The following GPR39 variants were observed in gnomAD, a reference collection of about 807,000 sequenced individuals.
The protein encoded by GPR39 is G protein-coupled receptor 39, also known as zinc sensing receptor.
Under a neutral mutation model 18.4 loss-of-function variants are expected in GPR39, and 23 were observed. That is an observed-to-expected ratio of 1.25 (90% CI 0.90 to 1.77). The LOEUF (loss-of-function observed/expected upper bound fraction) is 1.77, where lower values mean the gene tolerates loss of function less well. Ranked by LOEUF, GPR39 falls within the 40% of genes most tolerant of loss-of-function variation. The probability of loss-of-function intolerance (pLI) is 0.00; values close to 1 mark genes in which losing one functional copy is unlikely to be tolerated. For synonymous variants in GPR39, 280 were observed against 257.9 expected, an observed-to-expected ratio of 1.09 and a Z score of -0.82; for missense variants, 647 against 602.4, an observed-to-expected ratio of 1.07 and a Z score of -0.78.
chr2:132,546,136 G>C (rs569904718), intron 1 of GPR39, among the ~76,000 whole-genome samples: 1 of 152,314 alleles, frequency 6.6e-6, no homozygotes, highest in Non-Finnish European at 1.5e-5. Context: ...GGTGAGTGGA[G>C]AAAAATGGGA....
At chr2:132,633,998 G>A (rs1027880759) in intron 1 of GPR39, among the ~76,000 whole-genome samples, 2 of 151,968 alleles carry the variant, frequency 1.3e-5, no homozygotes, top group Non-Finnish European at 2.9e-5. Flanking sequence ...TGGAGATGAT[G>A]ATGGTGGTGG....
chr2:132,455,779 A>G (rs1484244710), intron 1 of GPR39, among the ~76,000 whole-genome samples: 2 of 152,032 alleles, frequency 1.3e-5, no homozygotes, highest in Admixed American at 6.5e-5. Context: ...GTTTCCATGT[A>G]GTTGTGCGGT....
At chr2:132,466,355 C>G (rs566879716) in intron 1 of GPR39, among the ~76,000 whole-genome samples, 2 of 152,228 alleles carry the variant, frequency 1.3e-5, no homozygotes, top group African/African-American at 4.8e-5. Context: ...CCTATACTTT[C>G]TGGATGATTG....
intron 1 of GPR39, among the ~76,000 whole-genome samples, chr2:132,625,072 ATTTT>A (rs113383110): frequency 1.1e-4 from 15 of 141,276 alleles, no homozygotes; most frequent in Middle Eastern, 3.6e-3. Context: ...AGGTGCTCCA[ATTTT>A]TTTTTTTTTT....
intron 1 of GPR39, among the ~76,000 whole-genome samples, chr2:132,642,272 C>T (rs1681869150): frequency 6.6e-6 from 1 of 152,096 alleles, no homozygotes; most frequent in Non-Finnish European, 1.5e-5. Flanking sequence ...ACTTTTACAC[C>T]CAGAAAACCA....
chr2:132,621,140 C>T (rs72985830), intron 1 of GPR39, among the ~76,000 whole-genome samples: 4,943 of 152,146 alleles, frequency 0.032, 312 homozygotes, highest in African/African-American at 0.11. Flanking sequence ...TCCCTTTGAC[C>T]GCAGCTGCTT....
chr2:132,600,639 C>T (rs955112632), intron 1 of GPR39, among the ~76,000 whole-genome samples: 10 of 152,044 alleles, frequency 6.6e-5, no homozygotes, highest in African/African-American at 1.9e-4. Context: ...ACACATATAA[C>T]CTACCAAGAT....
chr2:132,558,415 T>C (rs1385206094), intron 1 of GPR39, among the ~76,000 whole-genome samples: 1 of 152,070 alleles, frequency 6.6e-6, no homozygotes, highest in African/African-American at 2.4e-5. Flanking sequence ...CATGACTGAG[T>C]CTCTTGACAA....
At chr2:132,553,192 C>T (rs1286233225) in intron 1 of GPR39, among the ~76,000 whole-genome samples, 1 of 151,566 alleles carries the variant, frequency 6.6e-6, no homozygotes, top group African/African-American at 2.4e-5. Flanking sequence ...GGATTACAGG[C>T]ATGAGCCACC....
At chr2:132,537,240 AG>A (rs1447780794) in intron 1 of GPR39, among the ~76,000 whole-genome samples, 3 of 152,118 alleles carry the variant, frequency 2.0e-5, no homozygotes, top group Non-Finnish European at 4.4e-5. Context: ...TGCTTCCTTG[AG>A]GAGCTCTTGT....
intron 1 of GPR39, among the ~76,000 whole-genome samples, chr2:132,496,238 T>G (rs1167817511): frequency 2.6e-5 from 4 of 152,206 alleles, no homozygotes; most frequent in African/African-American, 9.6e-5. Flanking sequence ...CATTTTGGTT[T>G]ATGTCCCTTC....
At chr2:132,565,042 C>T (rs1275653225) in intron 1 of GPR39, among the ~76,000 whole-genome samples, 1 of 151,956 alleles carries the variant, frequency 6.6e-6, no homozygotes, top group Non-Finnish European at 1.5e-5. Flanking sequence ...TGGTCTCGAA[C>T]TCCTGACCTC....
chr2:132,575,306 C>T (rs971664770), intron 1 of GPR39, among the ~76,000 whole-genome samples: 2 of 152,138 alleles, frequency 1.3e-5, no homozygotes, highest in Non-Finnish European at 2.9e-5. Context: ...CTTAAATACT[C>T]ATCTGTGTTT....
At chr2:132,636,992 T>C (rs1681773074) in intron 1 of GPR39, among the ~76,000 whole-genome samples, 1 of 152,224 alleles carries the variant, frequency 6.6e-6, no homozygotes, top group Admixed American at 6.5e-5. Context: ...GCTACAGGTT[T>C]ATGTAGCTGC....
At chr2:132,460,111 C>G (rs921301989) in intron 1 of GPR39, among the ~76,000 whole-genome samples, 1 of 152,178 alleles carries the variant, frequency 6.6e-6, no homozygotes, top group Non-Finnish European at 1.5e-5. Flanking sequence ...AATGAAAAAC[C>G]TGCATAGGAT....
rs1680093941 is a variant in GPR39, at chr2:132,425,100, G to T, written c.856+7202G>T. Among the ~76,000 whole-genome samples the T allele has an allele frequency of 2.6e-5, 4 of 152,184 alleles. 1 individual carries two copies. In the South Asian group the frequency reaches 8.3e-4, roughly 32 times the overall value. On this transcript the variant is annotated intron_variant, in intron 1 of 1. Coordinates refer to ENST00000329321, the MANE Select transcript of GPR39 (RefSeq NM_001508.3). ...ATTCGTTCTTCAACGACAATCTCCA[G>T]CTACGACCAACTCATATATCTCCCA... is the stretch of plus-strand genomic sequence containing the variant.
chr2:132,436,661 T>C (rs1264295122), intron 1 of GPR39, among the ~76,000 whole-genome samples: 1 of 152,162 alleles, frequency 6.6e-6, no homozygotes, highest in South Asian at 2.1e-4. Context: ...GTATTTGTGA[T>C]TATATTCAGC....
chr2:132,461,479 T>C (rs536839498), intron 1 of GPR39, among the ~76,000 whole-genome samples: 5 of 152,318 alleles, frequency 3.3e-5, no homozygotes, highest in African/African-American at 9.6e-5. Flanking sequence ...ATTCAGAACA[T>C]TTAGAAAACC....
At position 132,646,301 on chromosome 2, in the gene GPR39, A is replaced by G; in HGVS notation, c.*695A>G. ...GATCCCTGTAACACAGACCCAAAGG[A>G]GCTGAGTTAACGTGCACCGGCAAAA... On this transcript the variant is annotated 3_prime_UTR_variant, in exon 2 of 2. Transcript: ENST00000329321. 1 of 1,422,984 alleles carries G rather than the reference A, an allele frequency of 7.0e-7. No homozygotes were observed. Among genetic ancestry groups the G allele is most frequent in the Non-Finnish European group, 9.3e-7 (1 of 1,076,036 alleles). 88.1% of individuals were successfully genotyped at this position (1,422,984 alleles called of 1,614,324 possible).
Sources: allele counts gnomAD v4.1 joint callset (sites outside exome capture counted in the v4.1 genomes callset), GRCh38; gene constraint gnomAD v4.1.1; transcripts MANE v1.5; gene names NCBI Gene and HGNC (gene_info 2026-07-23, HGNC 2026-07-21).